FOXR1: variants seen among roughly 807,000 people sequenced by gnomAD.
FOXR1 encodes the protein forkhead box protein R1.
In FOXR1, 25 loss-of-function variants were observed where a neutral mutation model predicts 34.5. The observed-to-expected ratio is 0.72, with a 90% CI of 0.53 to 1.01. FOXR1 has a LOEUF of 1.01. Ranked by LOEUF, FOXR1 falls within the 50% of genes least tolerant of loss-of-function variation. The pLI is 0.00. For synonymous variants in FOXR1, 153 were observed against 141.6 expected (o/e 1.08, Z -0.57); for missense variants, 373 against 376.2 (o/e 0.99, Z 0.07).
At chr11:118,977,301 G>A (rs138831300) in intron 1 of FOXR1, among the ~76,000 whole-genome samples, 1 of 152,068 alleles carries the variant, frequency 6.6e-6, no homozygotes, top group Non-Finnish European at 1.5e-5. Context: ...CAAAGTGCTG[G>A]GATTACAGGT....
chr11:118,980,151 G>A, intron 4 of FOXR1: 1 of 529,982 alleles, frequency 1.9e-6, no homozygotes, highest in East Asian at 4.9e-5. Context: ...CCCTTTCCCA[G>A]TGTTAGGAGA....
intron 1 of FOXR1, among the ~76,000 whole-genome samples, chr11:118,974,758 C>T (rs1276464726): frequency 6.6e-6 from 1 of 152,032 alleles, no homozygotes; most frequent in African/African-American, 2.4e-5. Flanking sequence ...TAGATTGGGC[C>T]AGGGTAGTAG....
chr11:118,979,689 G>C, intron 4 of FOXR1, 21 bp downstream of exon 4: 1 of 1,555,138 alleles, frequency 6.4e-7, no homozygotes, highest in Non-Finnish European at 8.7e-7. Context: ...GGGGCCCTGC[G>C]AGGAGGGGGA....
At chr11:118,975,766 C>A (rs1326396911) in intron 1 of FOXR1, among the ~76,000 whole-genome samples, 1 of 152,208 alleles carries the variant, frequency 6.6e-6, no homozygotes, top group East Asian at 1.9e-4. Flanking sequence ...GAGACACAGA[C>A]ATACAAAGGT....
chr11:118,979,788 A>C, intron 4 of FOXR1, 120 bp downstream of exon 4: 1 of 849,440 alleles, frequency 1.2e-6, no homozygotes, highest in Non-Finnish European at 1.8e-6. Flanking sequence ...GTCTGAGAGG[A>C]CAAGTATGTT....
intron 1 of FOXR1, 31 bp downstream of exon 1, chr11:118,972,023 TG>T (rs762105690): frequency 2.8e-6 from 3 of 1,054,036 alleles, no homozygotes; most frequent in African/African-American, 6.8e-5. Flanking sequence ...GGTGGGGGGC[TG>T]GGCGTGGCGG....
At chr11:118,973,249 G>A (rs905051075) in intron 1 of FOXR1, among the ~76,000 whole-genome samples, 1 of 152,116 alleles carries the variant, frequency 6.6e-6, no homozygotes, top group Non-Finnish European at 1.5e-5. Flanking sequence ...GAATAGAACA[G>A]ACAAGGAACC....
At chr11:118,972,185 C>T (rs1941717297) in intron 1 of FOXR1, among the ~76,000 whole-genome samples, 193 bp downstream of exon 1, 1 of 147,306 alleles carries the variant, frequency 6.8e-6, no homozygotes, top group Non-Finnish European at 1.5e-5. Flanking sequence ...CACTCGCGAA[C>T]TCTACTCGGG....
At chr11:118,978,618 A>G (rs1048781557) in intron 1 of FOXR1, among the ~76,000 whole-genome samples, 164 bp from the exon 2 acceptor site, 4 of 152,094 alleles carry the variant, frequency 2.6e-5, no homozygotes, top group Non-Finnish European at 5.9e-5. Flanking sequence ...GGGGAATGAG[A>G]AGGTCAGAGA....
At chr11:118,980,297 G>A (rs1171926199) in intron 4 of FOXR1, 193 bp from the exon 5 acceptor site, 1 of 712,908 alleles carries the variant, frequency 1.4e-6, no homozygotes, top group Admixed American at 2.0e-5. Context: ...AGGGAGGGAG[G>A]GTTCAGGTGA....
chr11:118,973,755 G>T lies in FOXR1; in HGVS notation c.61+1763G>T, dbSNP rs571003053. 2.1e-5 allele frequency among the ~76,000 whole-genome samples: 3 copies of T among 145,224 alleles called. No homozygotes were observed. In the South Asian group the frequency reaches 6.5e-4, roughly 31 times the overall value. On this transcript the variant is annotated intron_variant, in intron 1 of 5. Coordinates refer to ENST00000317011, the MANE Select transcript of FOXR1 (RefSeq NM_181721.3). ...GTCGCCCAGGCTGGAGTACAGTAGC[G>T]CAATCTCAGTTCACTGCACCCTCTG...
intron 1 of FOXR1, 93 bp from the exon 2 acceptor site, chr11:118,978,689 C>T: frequency 7.4e-7 from 1 of 1,360,262 alleles, no homozygotes; most frequent in Non-Finnish European, 1.0e-6. Context: ...GGGCCCACAA[C>T]CTTCTCCCAG....
At chr11:118,973,843 A>C (rs1941746336) in intron 1 of FOXR1, among the ~76,000 whole-genome samples, 1 of 151,816 alleles carries the variant, frequency 6.6e-6, no homozygotes, top group Non-Finnish European at 1.5e-5. Flanking sequence ...ACAGGCATGC[A>C]TCACCACACC....
chr11:118,979,294 C>A (rs1354596720), intron 3 of FOXR1, 90 bp downstream of exon 3: 3 of 1,496,162 alleles, frequency 2.0e-6, no homozygotes, highest in South Asian at 1.4e-5. Context: ...TTAGCCATAG[C>A]AAAAGGTGAA....
intron 4 of FOXR1, chr11:118,980,173 T>A: frequency 1.8e-6 from 1 of 565,488 alleles, no homozygotes; most frequent in Non-Finnish European, 3.4e-6. Flanking sequence ...GTGCCTAATG[T>A]CTCAGGACAG....
chr11:118,976,600 T>G lies in FOXR1; in HGVS notation c.62-2182T>G, dbSNP rs559922362. ...CAATGGAGATTGATTAGTATATAAG[T>G]TCCTGTATTAACTTGAATATATACA... is the stretch of plus-strand genomic sequence containing the variant. On this transcript the variant is annotated intron_variant, in intron 1 of 5. Transcript: ENST00000317011. 7.9e-5 allele frequency among the ~76,000 whole-genome samples: 12 copies of G among 152,336 alleles called. No individual in the cohort carries two copies. In the East Asian group the frequency reaches 2.3e-3, roughly 29 times the overall value.
chr11:118,979,483 C>G lies in FOXR1; in HGVS notation c.426C>G (p.Ser142=). ...AGGCTGAGGACCAGGAAGACAGCTC[C>G]TCTATGGCTCTCCCATCCCCTCACA... is the stretch of plus-strand genomic sequence containing the variant. The part of the protein sequence containing the change: ...EEEAEDQEDS[S]SMALPSPHKR... The change falls in exon 4 of 6, where the codon TCC becomes TCG. Residue 142 remains serine (S), a synonymous_variant. Coordinates refer to ENST00000317011, the MANE Select transcript of FOXR1 (RefSeq NM_181721.3). The G allele has an allele frequency of 1.2e-6, 2 of 1,612,738 alleles. No individual in the cohort carries two copies. Among genetic ancestry groups the G allele is most frequent in the Non-Finnish European group, 1.7e-6 (2 of 1,179,340 alleles).
chr11:118,981,207 G>A lies in FOXR1; in HGVS notation c.851-1G>A. ...TCCTGAACTCTCTCCTTTTCTTACA[G>A]ATGTGATGCCCTTCCTCTTTGATCT... On this transcript the variant is annotated splice_acceptor_variant, in intron 5 of 5. Transcript: ENST00000317011. LOFTEE classifies it high-confidence loss of function. 1 of 1,614,142 alleles carries A rather than the reference G, an allele frequency of 6.2e-7. No homozygotes were observed. The highest frequency in any genetic ancestry group is 8.5e-7 in the Non-Finnish European group (1 of 1,180,010).
intron 2 of FOXR1, 45 bp from the exon 3 acceptor site, chr11:118,978,912 C>G: frequency 2.5e-6 from 4 of 1,613,956 alleles, no homozygotes; most frequent in Non-Finnish European, 3.4e-6. Context: ...ACCAGGGGCA[C>G]CCAAAGCCAG....
Sources: gnomAD v4.1 joint callset for allele counts (sites outside exome capture counted in the v4.1 genomes callset) on GRCh38, gnomAD v4.1.1 for gene constraint, MANE v1.5 for transcripts, NCBI Gene and HGNC (gene_info 2026-07-23, HGNC 2026-07-21) for gene names.